The following NAV2 variants were observed in gnomAD, a reference collection of about 807,000 sequenced individuals.
NAV2 encodes the protein neuron navigator 2.
Under a neutral mutation model 223.2 loss-of-function variants are expected in NAV2, and 54 were observed. The ratio of observed to expected loss-of-function variants is 0.24; its 90% CI spans 0.19 to 0.30. NAV2 has a LOEUF of 0.30. Among genes scored for constraint, NAV2 ranks in the 10% least tolerant of loss-of-function variants. The pLI, the probability that NAV2 is intolerant of heterozygous loss-of-function variation, is 1.00. For missense variants in NAV2, 2,806 were observed against 3,147.5 expected, an observed-to-expected ratio of 0.89 and a Z score of 2.60; for synonymous variants, 1,279 against 1,239.3, an observed-to-expected ratio of 1.03 and a Z score of -0.67.
At chr11:19,620,263 G>A (rs1011794750) in intron 1 of NAV2, among the ~76,000 whole-genome samples, 5 of 152,118 alleles carry the variant, frequency 3.3e-5, no homozygotes, top group Non-Finnish European at 5.9e-5. Context: ...GGTTCCATAT[G>A]AACTTTAAAG....
intron 6 of NAV2, among the ~76,000 whole-genome samples, chr11:19,907,524 T>TGGGA (rs375268258): frequency 6.6e-6 from 1 of 151,342 alleles, no homozygotes; most frequent in African/African-American, 2.4e-5. Flanking sequence ...CTGCCACTCA[T>TGGGA]AGGGGGAGGG....
chr11:19,825,929 C>T (rs565668717), intron 1 of NAV2, among the ~76,000 whole-genome samples: 2 of 152,278 alleles, frequency 1.3e-5, no homozygotes, highest in South Asian at 2.1e-4. Context: ...TCTTAGCTTT[C>T]CTTCCCCTTT....
chr11:19,714,445 CG>C (rs1210181625), intron 1 of NAV2: 2 of 457,194 alleles, frequency 4.4e-6, no homozygotes, highest in Non-Finnish European at 8.8e-6. Flanking sequence ...AAGGGGATCG[CG>C]GGTGGCAGTG....
At position 20,095,482 on chromosome 11, in the gene NAV2, T is replaced by G. The variant is rs148083432; in HGVS notation, c.5917-190T>G. Among the ~76,000 whole-genome samples the G allele has an allele frequency of 2.8e-3, 423 of 152,308 alleles. 3 individuals carry two copies. In the South Asian group the frequency reaches 0.028, roughly 10 times the overall value. Reference sequence around the variant, plus strand: ...TTTTCCTGACTCTTGGACCGCTGTTTTAGCAGTAAAGCAGGGAAAGGTATT... The same window carrying G: ...TTTTCCTGACTCTTGGACCGCTGTTGTAGCAGTAAAGCAGGGAAAGGTATT... On this transcript the variant is annotated intron_variant, in intron 29 of 37. Coordinates refer to ENST00000349880, the MANE Select transcript of NAV2 (RefSeq NM_145117.5).
chr11:19,512,882 T>A (rs2043323417), intron 1 of NAV2, among the ~76,000 whole-genome samples: 1 of 152,202 alleles, frequency 6.6e-6, no homozygotes, highest in Admixed American at 6.5e-5. Flanking sequence ...GCTTGGATGA[T>A]GCTGCAAAGA....
chr11:19,347,197 A>G (rs1337444358), upstream of NAV2, among the ~76,000 whole-genome samples: 2 of 152,222 alleles, frequency 1.3e-5, no homozygotes, highest in Non-Finnish European at 2.9e-5. Context: ...CAACACCCAC[A>G]GCAGAAGGAG....
intron 6 of NAV2, among the ~76,000 whole-genome samples, chr11:19,906,558 G>C (rs75740797): frequency 6.6e-6 from 1 of 152,314 alleles, no homozygotes; most frequent in Non-Finnish European, 1.5e-5. Context: ...GCATGAAAAT[G>C]AGAATGCACT....
intron 6 of NAV2, among the ~76,000 whole-genome samples, chr11:19,900,788 A>G (rs1363181307): frequency 6.6e-6 from 1 of 152,208 alleles, no homozygotes; most frequent in East Asian, 1.9e-4. Context: ...CAATGTGCTT[A>G]GTAATATAGT....
intron 6 of NAV2, among the ~76,000 whole-genome samples, chr11:19,913,927 CA>C (rs2043542683): frequency 6.6e-6 from 1 of 152,192 alleles, no homozygotes. Flanking sequence ...AAAACCTAAG[CA>C]AAGGCTTGAT....
At chr11:19,994,534 A>G (rs1743044525) in intron 11 of NAV2, among the ~76,000 whole-genome samples, 1 of 151,664 alleles carries the variant, frequency 6.6e-6, no homozygotes, top group Non-Finnish European at 1.5e-5. Flanking sequence ...CGACAAGAGC[A>G]AAAAACTCTG....
At position 20,092,271 on chromosome 11, in the gene NAV2, C is replaced by T; in HGVS notation, c.5718C>T (p.Cys1906=). The T allele has an allele frequency of 2.5e-6, 4 of 1,614,132 alleles. No individual in the cohort carries two copies. The highest frequency in any genetic ancestry group is 1.7e-6 in the Non-Finnish European group (2 of 1,179,996). The change falls in exon 28 of 38, where the codon TGC becomes TGT. Residue 1906 remains cysteine (C), a synonymous_variant. Transcript: ENST00000349880. ...RLKSESQGSG[C]SRAPSQVSIS... is the part of the protein sequence containing the mutation. ...AGTCAGAGTCTCAAGGCAGTGGCTG[C>T]AGCCGGGCTCCTTCCCAAGTGTCCA...
At chr11:19,367,476 G>T (rs1848326875) in intron 1 of NAV2, among the ~76,000 whole-genome samples, 2 of 152,102 alleles carry the variant, frequency 1.3e-5, no homozygotes, top group South Asian at 4.1e-4. Flanking sequence ...GGACATTGTA[G>T]GTACTCCAAG....
chr11:19,688,459 C>T (rs1217145713), intron 1 of NAV2, among the ~76,000 whole-genome samples: 1 of 152,168 alleles, frequency 6.6e-6, no homozygotes, highest in Non-Finnish European at 1.5e-5. Context: ...TAGGGAAAAC[C>T]TGCAGCAAGC....
intron 1 of NAV2, among the ~76,000 whole-genome samples, chr11:19,523,774 C>T (rs772098376): frequency 1.3e-5 from 2 of 152,194 alleles, no homozygotes; most frequent in Non-Finnish European, 2.9e-5. Context: ...CCTTCTTCTC[C>T]AGCATCCTCA....
intron 1 of NAV2, among the ~76,000 whole-genome samples, chr11:19,682,806 G>A (rs2048914864): frequency 6.6e-6 from 1 of 152,134 alleles, no homozygotes; most frequent in Admixed American, 6.5e-5. Flanking sequence ...GTTCATGAGG[G>A]ATCTGCCCCC....
At chr11:19,840,102 G>A (rs1021993062) in intron 2 of NAV2, among the ~76,000 whole-genome samples, 8 of 152,172 alleles carry the variant, frequency 5.3e-5, no homozygotes, top group Admixed American at 2.0e-4. Flanking sequence ...AGTATTTCAA[G>A]TATATGAAAC....
intron 1 of NAV2, among the ~76,000 whole-genome samples, chr11:19,531,225 T>C (rs1442797638): frequency 1.3e-5 from 2 of 152,144 alleles, no homozygotes; most frequent in East Asian, 1.9e-4. Context: ...AAACAGAAGA[T>C]AGACATGGAA....
chr11:19,916,175 T>A (rs1405963022), intron 6 of NAV2, among the ~76,000 whole-genome samples: 1 of 152,154 alleles, frequency 6.6e-6, no homozygotes, highest in Non-Finnish European at 1.5e-5. Flanking sequence ...GAAAAGGAAA[T>A]AAACTAATGT....
At chr11:19,698,424 T>C (rs2049411601) in intron 1 of NAV2, among the ~76,000 whole-genome samples, 2 of 152,198 alleles carry the variant, frequency 1.3e-5, no homozygotes, top group Admixed American at 6.5e-5. Context: ...GGAGAGCCAT[T>C]GAATAAACCC....
Sources: gnomAD v4.1 joint callset for allele counts (sites outside exome capture counted in the v4.1 genomes callset) on GRCh38, gnomAD v4.1.1 for gene constraint, MANE v1.5 for transcripts, NCBI Gene and HGNC (gene_info 2026-07-23, HGNC 2026-07-21) for gene names.